PREPL: variants seen among roughly 807,000 people sequenced by gnomAD.
The protein encoded by PREPL is prolyl endopeptidase-like.
PREPL carries 77 observed loss-of-function variants against 70.6 expected under a neutral mutation model. The ratio of observed to expected loss-of-function variants is 1.09; its 90% CI spans 0.91 to 1.32. The LOEUF is 1.32. Among genes scored for constraint, PREPL ranks in the 40% most tolerant of loss-of-function variants. The pLI, the probability that PREPL is intolerant of heterozygous loss-of-function variation, is 0.00. For missense variants in PREPL, 1,002 were observed against 778.2 expected (o/e 1.29, Z -3.42); for synonymous variants, 315 against 264.8 (o/e 1.19, Z -1.84).
At chr2:44,359,754 C>T (rs1370452448) in intron 1 of PREPL, 8 of 1,388,556 alleles carry the variant, frequency 5.8e-6, no homozygotes, top group Admixed American at 1.7e-5. Context: ...TTTGGGGCTG[C>T]CAGCACACGA....
At chr2:44,329,432 G>C (rs543764818) in intron 8 of PREPL, among the ~76,000 whole-genome samples, 2 of 152,232 alleles carry the variant, frequency 1.3e-5, no homozygotes, top group East Asian at 3.9e-4. Context: ...TAAATTTTCA[G>C]ATGAAACCAA....
intron 7 of PREPL, among the ~76,000 whole-genome samples, chr2:44,335,234 C>T (rs1674520558): frequency 6.6e-6 from 1 of 152,130 alleles, no homozygotes; most frequent in African/African-American, 2.4e-5. Flanking sequence ...ACCATGGAAA[C>T]TGGGGCATAT....
At position 44,321,075 on chromosome 2, in the gene PREPL, G is replaced by C. The variant is rs918197119; in HGVS notation, c.*281C>G. On this transcript the variant is annotated 3_prime_UTR_variant, in exon 14 of 14. Transcript: ENST00000409411. ...CTGTTCTGACTGGAAGGGAGGCCTGGAGCTCTGCTATCACCAATCCTTCCC... is the reference window on the plus strand; with the variant it reads ...CTGTTCTGACTGGAAGGGAGGCCTGCAGCTCTGCTATCACCAATCCTTCCC... 2.4e-6 allele frequency: 1 copy of C among 423,452 alleles called. No individual in the cohort carries two copies. Among genetic ancestry groups the C allele is most frequent in the Non-Finnish European group, 4.3e-6 (1 of 233,478 alleles). 26.2% of individuals were successfully genotyped at this position (423,452 alleles called of 1,614,324 possible).
chr2:44,324,189 G>C (rs1558485415), intron 10 of PREPL, among the ~76,000 whole-genome samples: 1 of 152,206 alleles, frequency 6.6e-6, no homozygotes, highest in African/African-American at 2.4e-5. Flanking sequence ...AAAAAATTTT[G>C]TATGACTCCA....
Position 44,320,620 on chromosome 2 carries a change from T to C in PREPL, c.*736A>G, listed in dbSNP as rs1325445355. On this transcript the variant is annotated 3_prime_UTR_variant, in exon 14 of 14. Coordinates refer to ENST00000409411, the MANE Select transcript of PREPL (RefSeq NM_001171613.2). ...GCATGCTATTCCAGTGTACTGAACATACTGTATACCTCGTGTTAGGCACCT... is the reference window on the plus strand; with the variant it reads ...GCATGCTATTCCAGTGTACTGAACACACTGTATACCTCGTGTTAGGCACCT... 6.2e-7 allele frequency: 1 copy of C among 1,613,736 alleles called. No homozygotes were observed. Among genetic ancestry groups the C allele is most frequent in the African/African-American group, 1.3e-5 (1 of 74,904 alleles).
chr2:44,320,705 A>T lies in PREPL; in HGVS notation c.*651T>A, dbSNP rs1282453261. 2 of 1,170,628 alleles carry T rather than the reference A, an allele frequency of 1.7e-6. No individual in the cohort carries two copies. Among genetic ancestry groups the T allele is most frequent in the Non-Finnish European group, 2.6e-6 (2 of 777,732 alleles). 72.5% of individuals were successfully genotyped at this position (1,170,628 alleles called of 1,614,324 possible). A position where few individuals can be genotyped will look rare whatever the true frequency, so the allele number is the denominator to read the frequency against. On this transcript the variant is annotated 3_prime_UTR_variant, in exon 14 of 14. Coordinates refer to ENST00000409411, the MANE Select transcript of PREPL (RefSeq NM_001171613.2). ...GATTGTAAGCATTTGTAATAGCTTCATGTACAGCATGCTGCTTGGTGAACA... is the reference window on the plus strand; with the variant it reads ...GATTGTAAGCATTTGTAATAGCTTCTTGTACAGCATGCTGCTTGGTGAACA...
intron 1 of PREPL, chr2:44,360,491 C>T (rs924556133): frequency 6.6e-6 from 1 of 152,082 alleles, no homozygotes; most frequent in Non-Finnish European, 1.5e-5. Context: ...AGGTATTTAG[C>T]GCTTTAATTA....
Position 44,329,121 on chromosome 2 carries a change from G to T in PREPL, c.1087-9C>A. ...GGCACTAATTTTCCATCCTAGAAATGAAGAATTACTATGTATGTAAAGAAG... is the reference window on the plus strand; with the variant it reads ...GGCACTAATTTTCCATCCTAGAAATTAAGAATTACTATGTATGTAAAGAAG... On this transcript the variant is annotated splice_polypyrimidine_tract_variant and intron_variant, in intron 8 of 13. Coordinates refer to ENST00000409411, the MANE Select transcript of PREPL (RefSeq NM_001171613.2). The T allele has an allele frequency of 6.3e-7, 1 of 1,575,258 alleles. No homozygotes were observed. Among genetic ancestry groups the T allele is most frequent in the Non-Finnish European group, 8.7e-7 (1 of 1,147,750 alleles).
intron 8 of PREPL, among the ~76,000 whole-genome samples, chr2:44,329,649 A>T (rs375097558): frequency 6.6e-6 from 1 of 152,274 alleles, no homozygotes; most frequent in South Asian, 2.1e-4. Flanking sequence ...ATCCTCTTCA[A>T]AGGCCCATTT....
In PREPL at chr2:44,319,996, A is replaced by G. The variant is rs542333264; in HGVS notation, c.*1360T>C. 3.5e-6 allele frequency: 2 copies of G among 574,642 alleles called. No individual in the cohort carries two copies. Among genetic ancestry groups the G allele is most frequent in the South Asian group, 4.1e-5 (2 of 48,582 alleles). The allele number at this position is 574,642 out of a possible 1,614,324, so 35.6% of individuals were successfully genotyped here. A position where few individuals can be genotyped will look rare whatever the true frequency, so the allele number is the denominator to read the frequency against. On this transcript the variant is annotated 3_prime_UTR_variant, in exon 14 of 14. Coordinates refer to ENST00000409411, the MANE Select transcript of PREPL (RefSeq NM_001171613.2). Reference sequence around the variant, plus strand: ...TGTGCGTACTTATTGACTCCCAGACAAGCCGAAACCCCGAATTTGTCATTT... The same window carrying G: ...TGTGCGTACTTATTGACTCCCAGACGAGCCGAAACCCCGAATTTGTCATTT...
chr2:44,324,714 CA>C (rs1673320068), intron 10 of PREPL, among the ~76,000 whole-genome samples: 1 of 151,938 alleles, frequency 6.6e-6, no homozygotes, highest in African/African-American at 2.4e-5. Flanking sequence ...CACATCTCTA[CA>C]AAACAACAAC....
chr2:44,321,205 T>C lies in PREPL; in HGVS notation c.*151A>G, dbSNP rs1181835692. 1.3e-5 allele frequency: 9 copies of C among 684,462 alleles called. No homozygotes were observed. The highest frequency in any genetic ancestry group is 5.5e-5 in the East Asian group (2 of 36,278). 42.4% of individuals were successfully genotyped at this position (684,462 alleles called of 1,614,324 possible). ...GAGAATAGTATAAGCAAGTGAGATG[T>C]AGACTAAGCAAAATTTAGATGGAGA... On this transcript the variant is annotated 3_prime_UTR_variant, in exon 14 of 14. Transcript: ENST00000409411.
intron 1 of PREPL, among the ~76,000 whole-genome samples, chr2:44,347,773 A>C (rs1003431481): frequency 6.6e-6 from 1 of 152,228 alleles, no homozygotes; most frequent in Non-Finnish European, 1.5e-5. Flanking sequence ...CAACAGCTGG[A>C]AAGTATTTAT....
rs1324717455 is a variant in PREPL, at chr2:44,333,670, C to G, written c.889-1014G>C. 5.3e-5 allele frequency among the ~76,000 whole-genome samples: 8 copies of G among 151,982 alleles called. No homozygotes were observed. In the East Asian group the frequency reaches 1.5e-3, roughly 29 times the overall value. ...TTCATGAAACACTAGTAAGGACACA[C>G]ATCTGCAATCTCTAAAAGCTCCTAA... is the stretch of plus-strand genomic sequence containing the variant. On this transcript the variant is annotated intron_variant, in intron 7 of 13. Transcript: ENST00000409411.
At chr2:44,339,071 G>A (rs768578808) in intron 6 of PREPL, 76 bp downstream of exon 6, 38 of 1,569,356 alleles carry the variant, frequency 2.4e-5, no homozygotes, top group Middle Eastern at 2.1e-4. Context: ...ATGAGCTCTT[G>A]GAGCAAGAAA....
chr2:44,352,105 A>C (rs1676504942), intron 1 of PREPL, among the ~76,000 whole-genome samples: 1 of 152,180 alleles, frequency 6.6e-6, no homozygotes, highest in Non-Finnish European at 1.5e-5. Flanking sequence ...CTATTGCTCA[A>C]ATGTCATCTT....
At chr2:44,330,356 C>T (rs563496821) in intron 8 of PREPL, among the ~76,000 whole-genome samples, 5 of 152,312 alleles carry the variant, frequency 3.3e-5, no homozygotes, top group Admixed American at 2.0e-4. Flanking sequence ...CTTCTCCCCT[C>T]TTGGCTCTCC....
chr2:44,348,834 T>C (rs1179458922), intron 1 of PREPL, among the ~76,000 whole-genome samples: 1 of 152,242 alleles, frequency 6.6e-6, no homozygotes, highest in East Asian at 1.9e-4. Flanking sequence ...TCCAGGTTAC[T>C]TTTGGTTTTT....
In PREPL at chr2:44,346,336, C is replaced by T. The variant is rs779882139; in HGVS notation, c.7G>A (p.Ala3Thr). The change falls in exon 2 of 14, where the codon GCA (alanine) becomes ACA (threonine). Residue 3 changes from alanine to threonine, a missense_variant. Coordinates refer to ENST00000409411, the MANE Select transcript of PREPL (RefSeq NM_001171613.2). ...AATTTTGTTCTCACTTTTTCAAATG[C>T]ATCCATGTTTTCTGGAAGGGGTTTT... MD[A>T]FEKVRTKLET... 7 of 1,612,112 alleles carry T rather than the reference C, an allele frequency of 4.3e-6. No individual in the cohort carries two copies. The East Asian group carries it at 1.1e-4, about 26-fold the overall frequency.
Sources: allele counts gnomAD v4.1 joint callset (sites outside exome capture counted in the v4.1 genomes callset), GRCh38; gene constraint gnomAD v4.1.1; transcripts MANE v1.5; gene names NCBI Gene and HGNC (gene_info 2026-07-23, HGNC 2026-07-21).